Variants in RAB11FIP1 observed in about 807,000 individuals in gnomAD.
RAB11FIP1 encodes RAB11 family interacting protein 1.
Under a neutral mutation model 83.1 loss-of-function variants are expected in RAB11FIP1, and 49 were observed. The observed-to-expected ratio is 0.59, with a 90% confidence interval of 0.47 to 0.75. The LOEUF is 0.75. RAB11FIP1 is among the 30% of genes least tolerant of loss of function. RAB11FIP1 has a pLI of 0.00. For missense variants in RAB11FIP1, 1,536 were observed against 1,598.7 expected, an observed-to-expected ratio of 0.96 and a Z score of 0.67; for synonymous variants, 670 against 656.0, an observed-to-expected ratio of 1.02 and a Z score of -0.33.
At chr8:37,891,557 T>C (rs891924746) in intron 1 of RAB11FIP1, among the ~76,000 whole-genome samples, 1 of 152,200 alleles carries the variant, frequency 6.6e-6, no homozygotes, top group Non-Finnish European at 1.5e-5. Context: ...AGTTAATAAC[T>C]ACAATTAAAA....
intron 2 of RAB11FIP1, among the ~76,000 whole-genome samples, chr8:37,875,637 A>G (rs1372556290): frequency 6.6e-6 from 1 of 152,218 alleles, no homozygotes; most frequent in Non-Finnish European, 1.5e-5. Flanking sequence ...GGATTTAGAC[A>G]TTGAAATTGA....
chr8:37,874,238 A>G (rs1027745903), intron 3 of RAB11FIP1, among the ~76,000 whole-genome samples: 2 of 152,238 alleles, frequency 1.3e-5, no homozygotes, highest in Non-Finnish European at 2.9e-5. Flanking sequence ...ACAATCTGCT[A>G]CAAACCACTG....
rs779115638 is a variant in RAB11FIP1 at position 37,871,730 on chromosome 8, C to T, written c.3072G>A (p.Gly1024=). The change falls in exon 4 of 6, where the codon GGG becomes GGA. Residue 1024 remains glycine, a synonymous_variant. Transcript: ENST00000330843. Reference sequence around the variant, plus strand: ...GCAGCCTGAAATCACACAGGCCCTCCCCCAGTACCAACCTATCTGCCTCGC... The same window carrying T: ...GCAGCCTGAAATCACACAGGCCCTCTCCCAGTACCAACCTATCTGCCTCGC... The part of the protein sequence containing the change: ...PSGEADRLVL[G]EGLCDFRLQA... 3 of 1,613,626 alleles carry T rather than the reference C, an allele frequency of 1.9e-6. No homozygotes were observed.
chr8:37,883,960 A>G (rs1387731603), intron 1 of RAB11FIP1, among the ~76,000 whole-genome samples: 1 of 152,244 alleles, frequency 6.6e-6, no homozygotes, highest in East Asian at 1.9e-4. Context: ...GATCCCTTCA[A>G]TAAACAAATT....
chr8:37,899,001 G>A lies in RAB11FIP1; in HGVS notation c.371+70C>T. On this transcript the variant is annotated intron_variant, in intron 1 of 5. Coordinates refer to ENST00000330843, the MANE Select transcript of RAB11FIP1 (RefSeq NM_001002814.3). This position sits in a 1 kb window ranked among gnomAD's most constrained non-coding sequence, Gnocchi z 4.5. ...GCCCGGCTTACTCTCGAAGGGTCCA[G>A]CGCCCAGACCGCCCTGCCGGAGGGG... is the stretch of plus-strand genomic sequence containing the variant. The A allele has an allele frequency of 7.2e-7, 1 of 1,389,654 alleles. No individual in the cohort carries two copies. The highest frequency in any genetic ancestry group is 1.6e-5 in the South Asian group (1 of 64,294). The allele number at this position is 1,389,654 out of a possible 1,614,324, so 86.1% of individuals were successfully genotyped here.
intron 1 of RAB11FIP1, among the ~76,000 whole-genome samples, chr8:37,889,113 A>G (rs1298096493): frequency 6.6e-6 from 1 of 152,116 alleles, no homozygotes; most frequent in Non-Finnish European, 1.5e-5. Context: ...TCCGCAACTT[A>G]TTGAGAGATG....
At chr8:37,897,412 GCTAA>G (rs1807111008) in intron 1 of RAB11FIP1, among the ~76,000 whole-genome samples, 1 of 150,018 alleles carries the variant, frequency 6.7e-6, no homozygotes, top group African/African-American at 2.5e-5. Flanking sequence ...GGCTTTCGGT[GCTAA>G]CTGACTGGCC....
chr8:37,870,035 G>A lies in RAB11FIP1; in HGVS notation c.3633+385C>T, dbSNP rs528290245. On this transcript the variant is annotated intron_variant, in intron 5 of 5. Coordinates refer to ENST00000330843, the MANE Select transcript of RAB11FIP1 (RefSeq NM_001002814.3). ...GGCCAGACTGGGTGTGGTGGTTCAC[G>A]CCTATAATCCCAGCACTTTGGGAGG... is the stretch of plus-strand genomic sequence containing the variant. 4.7e-3 allele frequency among the ~76,000 whole-genome samples: 717 copies of A among 152,170 alleles called. 7 individuals carry two copies. The highest frequency in any genetic ancestry group is 0.017 in the African/African-American group (698 of 41,498).
Position 37,899,319 on chromosome 8 carries a change from C to G in RAB11FIP1, c.123G>C (p.Ala41=), listed in dbSNP as rs1259571226. ...CCTTGCCCACCTGGATCACCGCGTA[C>G]GCGTCGCTCGTGCCCCCGGGGCCCT... ...RAKGPGGTSD[A]YAVIQVGKEK... is the part of the protein sequence containing the mutation. The change falls in exon 1 of 6, where the codon GCG becomes GCC. Residue 41 remains alanine, a synonymous_variant. Transcript: ENST00000330843. This position sits in a 1 kb window ranked among gnomAD's most constrained non-coding sequence, Gnocchi z 4.5. 1.2e-6 allele frequency: 2 copies of G among 1,609,654 alleles called. No homozygotes were observed. The highest frequency in any genetic ancestry group is 1.7e-6 in the Non-Finnish European group (2 of 1,178,732).
rs1045968774 is a variant in RAB11FIP1, at chr8:37,869,087, G to C, written c.3633+1333C>G. Among the ~76,000 whole-genome samples the C allele has an allele frequency of 2.3e-4, 35 of 151,904 alleles. 1 individual carries two copies. Among genetic ancestry groups the C allele is most frequent in the Non-Finnish European group, 7.4e-5 (5 of 67,996 alleles). ...TACAAAAAATACATAAATTAGCTGG[G>C]CATGGTGGTGCTCGCCTGTAGTCCC... On this transcript the variant is annotated intron_variant, in intron 5 of 5. Transcript: ENST00000330843.
In RAB11FIP1 at chr8:37,875,339, A is replaced by G; in HGVS notation, c.815-17T>C. On this transcript the variant is annotated splice_polypyrimidine_tract_variant and intron_variant, in intron 2 of 5. Transcript: ENST00000330843. ...GAGACATGACTTTGGGAAGAAAAAG[A>G]ACAGAAAGGGGATAAGATGTTAAAC... 1 of 1,583,778 alleles carries G rather than the reference A, an allele frequency of 6.3e-7. No homozygotes were observed. Among genetic ancestry groups the G allele is most frequent in the Non-Finnish European group, 8.6e-7 (1 of 1,157,224 alleles).
In RAB11FIP1 at chr8:37,874,766, C is replaced by T. The variant is rs564378731; in HGVS notation, c.1371G>A (p.Thr457=). 26 of 1,614,072 alleles carry T rather than the reference C, an allele frequency of 1.6e-5. No individual in the cohort carries two copies. The highest frequency in any genetic ancestry group is 2.7e-5 in the African/African-American group (2 of 74,934). Reference sequence around the variant, plus strand: ...TGCCTTCCTTCTCCCTCCCTGGGACCGTGAGAGGGTTTTCACCTTCACTGC... The same window carrying T: ...TGCCTTCCTTCTCCCTCCCTGGGACTGTGAGAGGGTTTTCACCTTCACTGC... ...AKGSEGENPL[T]VPGREKEGML... Residue 457 remains threonine (T), a synonymous_variant, in exon 3 of 6, where the codon ACG becomes ACA. Transcript: ENST00000330843.
At chr8:37,887,901 C>G (rs1246677489) in intron 1 of RAB11FIP1, among the ~76,000 whole-genome samples, 2 of 152,090 alleles carry the variant, frequency 1.3e-5, no homozygotes, top group Admixed American at 6.6e-5. Context: ...AATGATATTC[C>G]GTGAAGTGGG....
At chr8:37,898,236 C>A (rs1807132802) in intron 1 of RAB11FIP1, among the ~76,000 whole-genome samples, 1 of 152,236 alleles carries the variant, frequency 6.6e-6, no homozygotes, top group South Asian at 2.1e-4. Context: ...CCAGGCCCGG[C>A]GCGGTGGCTC....
At chr8:37,879,899 A>C (rs1054546229) in intron 1 of RAB11FIP1, among the ~76,000 whole-genome samples, 2 of 152,134 alleles carry the variant, frequency 1.3e-5, no homozygotes. Flanking sequence ...ACAGGTTAAA[A>C]TGGTAAATTT....
chr8:37,878,852 T>G (rs2130165720), intron 1 of RAB11FIP1, among the ~76,000 whole-genome samples: 1 of 151,622 alleles, frequency 6.6e-6, no homozygotes, highest in Middle Eastern at 3.4e-3. Context: ...ATTAAAAAAT[T>G]TGCCGGCATG....
chr8:37,875,811 A>G (rs1416386771), intron 2 of RAB11FIP1, among the ~76,000 whole-genome samples: 1 of 152,082 alleles, frequency 6.6e-6, no homozygotes, highest in African/African-American at 2.4e-5. Context: ...TTACCCTTAA[A>G]AAAAAGAAAA....
At chr8:37,882,881 A>G (rs1443043791) in intron 1 of RAB11FIP1, among the ~76,000 whole-genome samples, 1 of 152,188 alleles carries the variant, frequency 6.6e-6, no homozygotes, top group Non-Finnish European at 1.5e-5. Context: ...CCTGATTCTC[A>G]GGTCCAATCC....
intron 2 of RAB11FIP1, among the ~76,000 whole-genome samples, chr8:37,876,080 A>C (rs1378361671): frequency 1.3e-5 from 2 of 152,122 alleles, no homozygotes; most frequent in Non-Finnish European, 2.9e-5. Context: ...CTGGAATCCC[A>C]GCTATTCGGG....
Sources: gnomAD v4.1 joint callset for allele counts (sites outside exome capture counted in the v4.1 genomes callset) on GRCh38, gnomAD v4.1.1 for gene constraint, Gnocchi (gnomAD v3.1) non-coding constraint, MANE v1.5 for transcripts, NCBI Gene and HGNC (gene_info 2026-07-23, HGNC 2026-07-21) for gene names.